The following HELQ variants were observed in gnomAD, a reference collection of about 807,000 sequenced individuals.
HELQ encodes helicase, POLQ like.
In HELQ, 77 loss-of-function variants were observed where a neutral mutation model predicts 111.6. The observed-to-expected ratio is 0.69, with a 90% CI of 0.57 to 0.83. The LOEUF (loss-of-function observed/expected upper bound fraction) is 0.83. Among genes scored for constraint, HELQ ranks in the 40% least tolerant of loss-of-function variants. The pLI, the probability that HELQ is intolerant of heterozygous loss-of-function variation, is 0.00. For synonymous variants in HELQ, 438 were observed against 454.7 expected (o/e 0.96, Z 0.47); for missense variants, 1,200 against 1,288.5 (o/e 0.93, Z 1.05).
At position 83,407,354 on chromosome 4, in the gene HELQ, T is replaced by C; in HGVS notation, c.*99A>G. 1 of 702,794 alleles carries C rather than the reference T, an allele frequency of 1.4e-6. No homozygotes were observed. Among genetic ancestry groups the C allele is most frequent in the Non-Finnish European group, 2.3e-6 (1 of 429,670 alleles). 43.5% of individuals were successfully genotyped at this position (702,794 alleles called of 1,614,324 possible). A position where few individuals can be genotyped will look rare whatever the true frequency, so the allele number is the denominator to read the frequency against. On this transcript the variant is annotated 3_prime_UTR_variant, in exon 18 of 18. Coordinates refer to ENST00000295488, the MANE Select transcript of HELQ (RefSeq NM_133636.5). ...AACATTATTCGTAGTTCTTAATGTA[T>C]AACTGAAATGTATTTTTTCATTTAT...
chr4:83,435,430 G>GA (rs1203684684), intron 9 of HELQ, among the ~76,000 whole-genome samples: 1 of 151,966 alleles, frequency 6.6e-6, no homozygotes, highest in Non-Finnish European at 1.5e-5. Context: ...ATCCCTAAAG[G>GA]AAAAAAATTG....
rs780016617 is a variant in HELQ at position 83,446,863 on chromosome 4, T to C, written c.1364A>G (p.Asp455Gly). The change falls in exon 4 of 18, where the codon GAC becomes GGC. Residue 455 changes from aspartate (D) to glycine (G), a missense_variant. This residue lies in a region of HELQ where 610 missense variants were observed against 607.1 expected (regional missense o/e 1.00). Transcript: ENST00000295488. ...VNSLIETGRIDSLGLVVVDEL... is the reference protein window; with the variant it reads ...VNSLIETGRIGSLGLVVVDEL... ...GTCTACAACAACCAGACCCAGACTG[T>C]CAATTCTTCCAGTTTCAATCAAGGA... The C allele has an allele frequency of 9.3e-6, 15 of 1,613,400 alleles. No homozygotes were observed. Among genetic ancestry groups the C allele is most frequent in the Non-Finnish European group, 1.3e-5 (15 of 1,179,378 alleles).
At position 83,450,385 on chromosome 4, in the gene HELQ, T is replaced by C. The variant is rs141746758; in HGVS notation, c.1013-1424A>G. 1.1e-3 allele frequency among the ~76,000 whole-genome samples: 170 copies of C among 151,450 alleles called. 1 individual carries two copies. The highest frequency in any genetic ancestry group is 2.2e-3 in the Non-Finnish European group (147 of 67,796). ...CTATTAAAAAAAAAAAAGAAAGTTA[T>C]ATCTGAATGACAGTTACAAGTAACT... is the stretch of plus-strand genomic sequence containing the variant. On this transcript the variant is annotated intron_variant, in intron 2 of 17. Transcript: ENST00000295488.
intron 3 of HELQ, among the ~76,000 whole-genome samples, chr4:83,448,109 C>G (rs1422017820): frequency 2.0e-5 from 3 of 150,946 alleles, no homozygotes; most frequent in Non-Finnish European, 4.4e-5. Flanking sequence ...ACTTGGGAAG[C>G]TGAGGCAGGA....
chr4:83,408,990 G>A (rs1227202322), intron 17 of HELQ, among the ~76,000 whole-genome samples: 1 of 152,122 alleles, frequency 6.6e-6, no homozygotes, highest in Non-Finnish European at 1.5e-5. Flanking sequence ...GGTGAAAAGG[G>A]AGGTGCCTTT....
chr4:83,431,540 A>C (rs1323870021), intron 11 of HELQ, 124 bp downstream of exon 11: 1 of 362,380 alleles, frequency 2.8e-6, no homozygotes, highest in South Asian at 1.2e-4. Context: ...AATTAAAAGA[A>C]AAAATTATTA....
chr4:83,418,059 A>G (rs115889524), intron 16 of HELQ, 34 bp downstream of exon 16: 6 of 1,189,976 alleles, frequency 5.0e-6, no homozygotes, highest in Non-Finnish European at 7.3e-6. Context: ...TTAATTCAAC[A>G]TAATTTCAAT....
chr4:83,419,481 G>A (rs987716576), intron 15 of HELQ, among the ~76,000 whole-genome samples: 1 of 148,188 alleles, frequency 6.7e-6, no homozygotes, highest in Non-Finnish European at 1.5e-5. Context: ...TATATTATAT[G>A]TAATTATATA....
In HELQ at chr4:83,431,706, G is replaced by T; in HGVS notation, c.2253C>A (p.Thr751=). The part of the protein sequence containing the change: ...NCYSHLVQEF[T]KGIQTLFLSL... The stretch of plus-strand genomic sequence containing the variant: ...AGAGAAATAATGTTTGGATTCCCTT[G>T]GTGAATTCCTGAACAAGATGGCTGT... The change falls in exon 11 of 18, where the codon ACC becomes ACA. Residue 751 remains threonine, a synonymous_variant. Coordinates refer to ENST00000295488, the MANE Select transcript of HELQ (RefSeq NM_133636.5). 6.4e-7 allele frequency: 1 copy of T among 1,562,720 alleles called. No individual in the cohort carries two copies.
At chr4:83,427,792 G>T in intron 12 of HELQ, 72 bp from the exon 13 acceptor site, 2 of 1,125,948 alleles carry the variant, frequency 1.8e-6, no homozygotes, top group Non-Finnish European at 2.4e-6. Flanking sequence ...TAAATATTGT[G>T]TAGAAATTGC....
At chr4:83,441,594 C>T (rs1335954592) in intron 6 of HELQ, among the ~76,000 whole-genome samples, 191 bp from the exon 7 acceptor site, 1 of 151,876 alleles carries the variant, frequency 6.6e-6, no homozygotes, top group Non-Finnish European at 1.5e-5. Flanking sequence ...TCTCTTTTTC[C>T]CTTAAAATCA....
intron 6 of HELQ, among the ~76,000 whole-genome samples, chr4:83,442,326 G>A (rs143635441): frequency 7.7e-5 from 11 of 142,010 alleles, no homozygotes; most frequent in South Asian, 2.2e-4. Context: ...GGGGTGTAGC[G>A]GCACAAACAC....
chr4:83,453,420 C>G lies in HELQ; in HGVS notation c.823G>C (p.Gly275Arg), dbSNP rs746552160. 3 of 1,602,962 alleles carry G rather than the reference C, an allele frequency of 1.9e-6. No homozygotes were observed. Among genetic ancestry groups the G allele is most frequent in the Admixed American group, 3.5e-5 (2 of 57,182 alleles). Residue 275 changes from glycine to arginine, a missense_variant, in exon 2 of 18, where the codon GGA becomes CGA. Gly to Arg is a moderately radical substitution (Grantham distance 125, BLOSUM62 -2). Around this residue, in one of 3 missense-constraint regions of HELQ, gnomAD observed 610 missense variants for 607.1 expected, o/e 1.00. Coordinates refer to ENST00000295488, the MANE Select transcript of HELQ (RefSeq NM_133636.5). ...IKDHLKNAMT[G>R]NAKAQTPIFS... is the part of the protein sequence containing the mutation. ...ATTGGTGTCTGGGCCTTCGCATTTC[C>G]AGTCATGGCATTTTTTAGATGATCT... is the stretch of plus-strand genomic sequence containing the variant.
chr4:83,453,132 A>G (rs988784620), intron 2 of HELQ, 99 bp downstream of exon 2: 3 of 686,592 alleles, frequency 4.4e-6, no homozygotes, highest in Non-Finnish European at 7.4e-6. Context: ...TCAAAATGAG[A>G]AACAGTATGG....
chr4:83,442,662 C>A (rs570420934), intron 6 of HELQ, among the ~76,000 whole-genome samples: 1 of 152,070 alleles, frequency 6.6e-6, no homozygotes, highest in Non-Finnish European at 1.5e-5. Flanking sequence ...CTGCCCACCT[C>A]GGCCTCCCAA....
chr4:83,429,394 T>A (rs1720022622), intron 12 of HELQ, 130 bp downstream of exon 12: 1 of 663,340 alleles, frequency 1.5e-6, no homozygotes, highest in Admixed American at 3.0e-5. Context: ...AGTGATCCGC[T>A]CCCCTTGGCC....
chr4:83,442,606 T>A (rs1720833562), intron 6 of HELQ, among the ~76,000 whole-genome samples: 1 of 150,106 alleles, frequency 6.7e-6, no homozygotes, highest in South Asian at 2.1e-4. Flanking sequence ...AGAGTCGGGG[T>A]TTCACCATGT....
chr4:83,445,758 A>AT (rs1426858275), intron 5 of HELQ, among the ~76,000 whole-genome samples: 2 of 152,252 alleles, frequency 1.3e-5, no homozygotes, highest in Non-Finnish European at 2.9e-5. Flanking sequence ...TCCTTGTTTT[A>AT]CAGATAAAGA....
At position 83,429,612 on chromosome 4, in the gene HELQ, T is replaced by C. The variant is rs778224985; in HGVS notation, c.2430A>G (p.Gly810=). The part of the protein sequence containing the change: ...VESLRYLTEK[G]LLQKDTIYKS... The stretch of plus-strand genomic sequence containing the variant: ...TATAAATAGTGTCTTTTTGTAGGAG[T>C]CCTTTTTCTGTCAGGTATCTAAGTG... Residue 810 remains glycine (G), a synonymous_variant, in exon 12 of 18, where the codon GGA becomes GGG. Transcript: ENST00000295488. The C allele has an allele frequency of 1.2e-6, 2 of 1,612,668 alleles. No individual in the cohort carries two copies. The highest frequency in any genetic ancestry group is 1.7e-6 in the Non-Finnish European group (2 of 1,179,026).
Sources: gnomAD v4.1 joint callset for allele counts (sites outside exome capture counted in the v4.1 genomes callset) on GRCh38, gnomAD v4.1.1 for gene constraint, gnomAD v4.1.1 regional missense constraint, MANE v1.5 for transcripts, NCBI Gene and HGNC (gene_info 2026-07-23, HGNC 2026-07-21) for gene names.